RORA: variants seen among roughly 807,000 people sequenced by gnomAD.
RORA encodes the protein RAR related orphan receptor A.
In RORA, 7 loss-of-function variants were observed where a neutral mutation model predicts 69.5. The observed-to-expected ratio is 0.10, with a 90% CI of 0.06 to 0.19. The LOEUF is 0.19. Among genes scored for constraint, RORA ranks in the 10% least tolerant of loss-of-function variants. The pLI is 1.00. For missense variants in RORA, 457 were observed against 663.0 expected (o/e 0.69, Z 3.41); for synonymous variants, 261 against 240.8 (o/e 1.08, Z -0.78).
At chr15:60,558,364 GC>G in intron 2 of RORA, 1 of 1,109,758 alleles carries the variant, frequency 9.0e-7, no homozygotes, top group Non-Finnish European at 1.4e-6. Context: ...TAATTAGTTG[GC>G]CACTGCCTTG....
chr15:61,054,442 AG>A (rs2078062167), intron 1 of RORA, among the ~76,000 whole-genome samples: 1 of 152,202 alleles, frequency 6.6e-6, no homozygotes, highest in South Asian at 2.1e-4. Flanking sequence ...AGGAAATCAG[AG>A]GACAGCAGGA....
At chr15:60,769,666 T>C (rs1341712546) in intron 1 of RORA, among the ~76,000 whole-genome samples, 2 of 152,208 alleles carry the variant, frequency 1.3e-5, no homozygotes, top group Non-Finnish European at 2.9e-5. Context: ...AGTGTGCCTC[T>C]CTGATGTCTG....
At chr15:60,734,933 C>T (rs1333361340) in intron 1 of RORA, among the ~76,000 whole-genome samples, 1 of 152,174 alleles carries the variant, frequency 6.6e-6, no homozygotes, top group African/African-American at 2.4e-5. Flanking sequence ...CTGCTATTTG[C>T]ACTCAGACTT....
At chr15:61,008,201 CTCTG>C (rs200504360) in intron 1 of RORA, among the ~76,000 whole-genome samples, 3,787 of 106,508 alleles carry the variant, frequency 0.036, 57 homozygotes, top group Middle Eastern at 0.05. Flanking sequence ...TTCTCTCTCT[CTCTG>C]TGTGTGTGTG....
chr15:61,122,615 A>T (rs2140820944), intron 1 of RORA, among the ~76,000 whole-genome samples: 1 of 152,232 alleles, frequency 6.6e-6, no homozygotes, highest in Non-Finnish European at 1.5e-5. Context: ...ACTTTTTTTC[A>T]GATGAAAAAA....
At position 61,147,016 on chromosome 15, in the gene RORA, G is replaced by T. The variant is rs76895275; in HGVS notation, c.166+82037C>A. The stretch of plus-strand genomic sequence containing the variant: ...AAACCCTCTTCAGGCTATTCATGGT[G>T]GGGGGCAGTCACGGGGGAACTAAAT... On this transcript the variant is annotated intron_variant, in intron 1 of 10. Transcript: ENST00000335670. The surrounding 1 kb of genome is among the most constrained non-coding windows in gnomAD (Gnocchi z 4.1). 5.3e-3 allele frequency among the ~76,000 whole-genome samples: 807 copies of T among 151,996 alleles called. 50 individuals carry two copies. The East Asian group carries it at 0.13, about 25-fold the overall frequency.
intron 1 of RORA, among the ~76,000 whole-genome samples, chr15:60,778,150 C>T (rs1050396167): frequency 6.6e-6 from 1 of 152,226 alleles, no homozygotes; most frequent in Non-Finnish European, 1.5e-5. Context: ...TTATCCAATG[C>T]TCAGTGCTGA....
intron 1 of RORA, among the ~76,000 whole-genome samples, chr15:60,956,773 G>A (rs918302976): frequency 4.6e-5 from 7 of 152,200 alleles, no homozygotes; most frequent in Non-Finnish European, 1.0e-4. Flanking sequence ...CCTCAGAAAA[G>A]TATCTTAGTA....
intron 2 of RORA, among the ~76,000 whole-genome samples, chr15:60,668,156 T>C (rs1436702414): frequency 6.6e-6 from 1 of 152,172 alleles, no homozygotes; most frequent in African/African-American, 2.4e-5. Context: ...CACTGCAGAC[T>C]TAACTGTCCT....
chr15:61,064,269 T>C (rs991170826), intron 1 of RORA, among the ~76,000 whole-genome samples: 2 of 152,252 alleles, frequency 1.3e-5, no homozygotes, highest in South Asian at 2.1e-4. Flanking sequence ...TATGATTCAC[T>C]TGAGTCACAG....
intron 1 of RORA, among the ~76,000 whole-genome samples, chr15:60,894,543 A>T (rs929610789): frequency 2.6e-5 from 4 of 152,170 alleles, no homozygotes; most frequent in African/African-American, 4.8e-5. Context: ...GTTATTTTGG[A>T]GGATGGTTCC....
chr15:60,865,506 A>T (rs1400853693), intron 1 of RORA, among the ~76,000 whole-genome samples: 1 of 152,220 alleles, frequency 6.6e-6, no homozygotes, highest in Non-Finnish European at 1.5e-5. Context: ...GGGATTGCTG[A>T]TGGCTCCTTG....
At chr15:60,870,843 T>C (rs985384655) in intron 1 of RORA, among the ~76,000 whole-genome samples, 1 of 152,210 alleles carries the variant, frequency 6.6e-6, no homozygotes, top group Non-Finnish European at 1.5e-5. Flanking sequence ...AGGCTTGCCT[T>C]TGGCAACTGT....
intron 1 of RORA, among the ~76,000 whole-genome samples, chr15:60,777,947 G>A (rs1316277389): frequency 2.0e-5 from 3 of 152,198 alleles, no homozygotes; most frequent in Non-Finnish European, 4.4e-5. Flanking sequence ...TTGCTCTCTT[G>A]CATCCTTGAA....
chr15:60,835,955 G>C (rs560373216), intron 1 of RORA, among the ~76,000 whole-genome samples: 1 of 152,272 alleles, frequency 6.6e-6, no homozygotes, highest in South Asian at 2.1e-4. Flanking sequence ...CAAAACTCAA[G>C]TTCTGCGATA....
chr15:60,773,655 A>G (rs1393396116), intron 1 of RORA, among the ~76,000 whole-genome samples: 1 of 152,222 alleles, frequency 6.6e-6, no homozygotes, highest in Non-Finnish European at 1.5e-5. Flanking sequence ...TGAGACCTAG[A>G]AAAGAGAAAT....
intron 2 of RORA, among the ~76,000 whole-genome samples, chr15:60,602,380 C>T (rs2068837306): frequency 6.6e-6 from 1 of 151,976 alleles, no homozygotes; most frequent in Non-Finnish European, 1.5e-5. Context: ...TTATATTATC[C>T]CAAGGTCAGC....
At chr15:61,195,066 G>A (rs1361796253) in intron 1 of RORA, among the ~76,000 whole-genome samples, 1 of 151,754 alleles carries the variant, frequency 6.6e-6, no homozygotes. Flanking sequence ...TTGTGACACA[G>A]TGATGTCTTT....
intron 1 of RORA, among the ~76,000 whole-genome samples, chr15:60,714,213 C>G (rs1640703114): frequency 6.6e-6 from 1 of 150,936 alleles, no homozygotes; most frequent in South Asian, 2.1e-4. Context: ...GCCACCATGC[C>G]CAGCAAATTT....
Sources: allele counts gnomAD v4.1 joint callset (sites outside exome capture counted in the v4.1 genomes callset), GRCh38; gene constraint gnomAD v4.1.1; non-coding constraint Gnocchi (gnomAD v3.1); transcripts MANE v1.5; gene names NCBI Gene and HGNC (gene_info 2026-07-23, HGNC 2026-07-21).